Variants in TMTC2 observed in about 807,000 individuals in gnomAD.
The protein encoded by TMTC2 is transmembrane O-mannosyltransferase targeting cadherins 2.
A neutral mutation model predicts 82.4 loss-of-function variants in TMTC2; 43 were observed. The ratio of observed to expected loss-of-function variants is 0.52; its 90% confidence interval spans 0.41 to 0.67. TMTC2 has a LOEUF of 0.67. Ranked by LOEUF, TMTC2 falls within the 30% of genes least tolerant of loss-of-function variation. The pLI is 0.00. For missense variants in TMTC2, 919 were observed against 1,012.4 expected (o/e 0.91, Z 1.25); for synonymous variants, 408 against 381.9 (o/e 1.07, Z -0.80).
chr12:82,741,442 C>T (rs938923638), intron 1 of TMTC2, among the ~76,000 whole-genome samples: 1 of 152,170 alleles, frequency 6.6e-6, no homozygotes, highest in Non-Finnish European at 1.5e-5. Context: ...TCCTGAGTAG[C>T]TGGGACTACA....
intron 1 of TMTC2, among the ~76,000 whole-genome samples, chr12:82,821,460 GTTA>G (rs1341208368): frequency 6.6e-6 from 1 of 152,096 alleles, no homozygotes; most frequent in Non-Finnish European, 1.5e-5. Flanking sequence ...TTTCTCATAT[GTTA>G]TTATGAGGAA....
rs183589930 is a variant in TMTC2 at position 82,735,407 on chromosome 12, G to A, written c.83+47738G>A. On this transcript the variant is annotated intron_variant, in intron 1 of 11. Transcript: ENST00000321196. ...GTCGCCCAGGCTGGAGTGCAGTGGC[G>A]CGATCTCGGCTCACTGCAAGCTCCG... Among the ~76,000 whole-genome samples, 330 of 150,626 alleles carry A rather than the reference G, an allele frequency of 2.2e-3. 1 individual carries two copies. The highest frequency in any genetic ancestry group is 7.4e-3 in the African/African-American group (305 of 41,050).
At position 82,723,973 on chromosome 12, in the gene TMTC2, A is replaced by G. The variant is rs572354934; in HGVS notation, c.83+36304A>G. On this transcript the variant is annotated intron_variant, in intron 1 of 11. Coordinates refer to ENST00000321196, the MANE Select transcript of TMTC2 (RefSeq NM_152588.3). ...TGTCATTTATCCAGGGTGACCCTGG[A>G]TAAACCACTTAATTTTTCTGACTTC... Among the ~76,000 whole-genome samples the G allele has an allele frequency of 3.3e-5, 5 of 152,314 alleles. No individual in the cohort carries two copies. In the East Asian group the frequency reaches 9.6e-4, roughly 29 times the overall value.
At chr12:82,713,635 C>A (rs998301257) in intron 1 of TMTC2, among the ~76,000 whole-genome samples, 1 of 152,128 alleles carries the variant, frequency 6.6e-6, no homozygotes, top group Non-Finnish European at 1.5e-5. Context: ...ATGACAACAC[C>A]AGAAAGACCT....
chr12:82,972,374 T>C, intron 7 of TMTC2, among the ~76,000 whole-genome samples: 1 of 152,180 alleles, frequency 6.6e-6, no homozygotes, highest in Non-Finnish European at 1.5e-5. Flanking sequence ...AATAAACCTT[T>C]TACTTACACA....
intron 3 of TMTC2, among the ~76,000 whole-genome samples, chr12:82,910,550 G>C (rs1474022162): frequency 6.6e-6 from 1 of 152,200 alleles, no homozygotes; most frequent in South Asian, 2.1e-4. Flanking sequence ...AGGGATTTCT[G>C]TATCCCAGGG....
chr12:82,884,446 CT>C lies in TMTC2; in HGVS notation c.655-11366del, dbSNP rs558740435. On this transcript the variant is annotated intron_variant, in intron 2 of 11. Transcript: ENST00000321196. ...AATTTTACTTCGTTGTGTATTCAGA[CT>C]TTTTTGATTAATTTAGAAGGTAGCA... Among the ~76,000 whole-genome samples, 10 of 152,216 alleles carry C rather than the reference CT, an allele frequency of 6.6e-5. 1 individual carries two copies. In the South Asian group the frequency reaches 2.1e-3, roughly 32 times the overall value.
intron 7 of TMTC2, among the ~76,000 whole-genome samples, chr12:82,971,774 C>A (rs1878455499): frequency 6.8e-6 from 1 of 147,766 alleles, no homozygotes; most frequent in Non-Finnish European, 1.5e-5. Flanking sequence ...CTTGTCATTT[C>A]AGTCTATAAT....
At chr12:82,960,842 T>C (rs1877893450) in intron 4 of TMTC2, among the ~76,000 whole-genome samples, 1 of 151,692 alleles carries the variant, frequency 6.6e-6, no homozygotes, top group African/African-American at 2.4e-5. Flanking sequence ...AAAAAATGTA[T>C]AATGTGTTCC....
intron 3 of TMTC2, among the ~76,000 whole-genome samples, chr12:82,919,269 T>C (rs1314469496): frequency 6.6e-6 from 1 of 152,204 alleles, no homozygotes; most frequent in African/African-American, 2.4e-5. Context: ...ACTCATGTAT[T>C]AACATTAATG....
intron 1 of TMTC2, among the ~76,000 whole-genome samples, chr12:82,743,966 C>T (rs558212715): frequency 6.6e-6 from 1 of 152,124 alleles, no homozygotes; most frequent in South Asian, 2.1e-4. Context: ...ATGTCAGGTA[C>T]AGGTTTTGGT....
rs189460672 is a variant in TMTC2 at position 82,932,518 on chromosome 12, G to A, written c.1598+1973G>A. Among the ~76,000 whole-genome samples, 197 of 151,986 alleles carry A rather than the reference G, an allele frequency of 1.3e-3. 1 individual carries two copies. The highest frequency in any genetic ancestry group is 4.5e-3 in the African/African-American group (188 of 41,462). ...TTCTTGAATGAAAATACATATCTAG[G>A]TACTCCTACAAAGGCTCAAGTCCTC... On this transcript the variant is annotated intron_variant, in intron 4 of 11. Coordinates refer to ENST00000321196, the MANE Select transcript of TMTC2 (RefSeq NM_152588.3).
chr12:82,899,710 GGAATATATATATAA>G (rs1873880826), intron 3 of TMTC2, among the ~76,000 whole-genome samples: 2 of 130,742 alleles, frequency 1.5e-5, no homozygotes, highest in African/African-American at 2.9e-5. Context: ...ATATATATGT[GGAATATATATATAA>G]GAATATATAT....
chr12:82,730,985 G>A (rs1447057582), intron 1 of TMTC2, among the ~76,000 whole-genome samples: 1 of 152,200 alleles, frequency 6.6e-6, no homozygotes, highest in African/African-American at 2.4e-5. Flanking sequence ...AGTAGCTTGT[G>A]GAAAAGCAGA....
chr12:82,690,466 G>A (rs1018342049), intron 1 of TMTC2: 10 of 912,784 alleles, frequency 1.1e-5, no homozygotes, highest in East Asian at 2.4e-4. Context: ...TATAGTGATC[G>A]TTTACTTTAT....
intron 2 of TMTC2, among the ~76,000 whole-genome samples, chr12:82,863,761 G>T (rs1871671893): frequency 1.3e-5 from 2 of 152,094 alleles, no homozygotes. Flanking sequence ...ATTCATCTTT[G>T]TGCCAAGCGC....
At chr12:82,984,865 G>T (rs780803269) in intron 7 of TMTC2, among the ~76,000 whole-genome samples, 5 of 152,038 alleles carry the variant, frequency 3.3e-5, no homozygotes, top group Non-Finnish European at 5.9e-5. Context: ...CTGCTCTGCT[G>T]TTAGTGAAAT....
chr12:82,819,587 C>T (rs1439217252), intron 1 of TMTC2, among the ~76,000 whole-genome samples: 2 of 149,844 alleles, frequency 1.3e-5, no homozygotes, highest in Non-Finnish European at 3.0e-5. Context: ...TTGCAGCCTC[C>T]ACCTCCCAGG....
chr12:83,029,971 A>G (rs374674646), intron 8 of TMTC2, among the ~76,000 whole-genome samples: 18 of 152,322 alleles, frequency 1.2e-4, no homozygotes, highest in East Asian at 1.2e-3. Context: ...GGATTAGCAG[A>G]ATTTTAGTCC....
Sources: gnomAD v4.1 joint callset for allele counts (sites outside exome capture counted in the v4.1 genomes callset) on GRCh38, gnomAD v4.1.1 for gene constraint, MANE v1.5 for transcripts, NCBI Gene and HGNC (gene_info 2026-07-23, HGNC 2026-07-21) for gene names.